Variants in CNTNAP2 observed in about 807,000 individuals in gnomAD.
The protein encoded by CNTNAP2 is contactin-associated protein-like 2.
In CNTNAP2, 98 loss-of-function variants were observed where a neutral mutation model predicts 155.2. The ratio of observed to expected loss-of-function variants is 0.63; its 90% confidence interval spans 0.54 to 0.75. CNTNAP2 has a LOEUF of 0.75. Among genes scored for constraint, CNTNAP2 ranks in the 30% least tolerant of loss-of-function variants. CNTNAP2 has a pLI of 0.00. For missense variants in CNTNAP2, 1,727 were observed against 1,688.1 expected (o/e 1.02, Z -0.40); for synonymous variants, 651 against 631.2 (o/e 1.03, Z -0.47).
At chr7:147,198,341 C>G (rs376278327) in intron 8 of CNTNAP2, among the ~76,000 whole-genome samples, 1 of 143,040 alleles carries the variant, frequency 7.0e-6, no homozygotes, top group African/African-American at 2.6e-5. Context: ...CAGCAATTTT[C>G]CTGCCTCAGT....
chr7:146,438,770 T>C (rs1349554557), intron 1 of CNTNAP2, among the ~76,000 whole-genome samples: 1 of 151,554 alleles, frequency 6.6e-6, no homozygotes, highest in Non-Finnish European at 1.5e-5. Flanking sequence ...AAGATTAAGA[T>C]AGGTTTTTTA....
At chr7:148,385,560 A>G (rs1001196519) in intron 22 of CNTNAP2, among the ~76,000 whole-genome samples, 6 of 152,110 alleles carry the variant, frequency 3.9e-5, no homozygotes, top group Non-Finnish European at 5.9e-5. Flanking sequence ...CTGTGGTCTG[A>G]GTCAGGGCCA....
chr7:147,378,610 T>C (rs1023660974), intron 9 of CNTNAP2, among the ~76,000 whole-genome samples: 4 of 151,990 alleles, frequency 2.6e-5, no homozygotes, highest in South Asian at 2.1e-4. Flanking sequence ...CTGGGAAGGA[T>C]AGTGGGTAAG....
At chr7:147,459,977 C>T (rs1284926839) in intron 10 of CNTNAP2, among the ~76,000 whole-genome samples, 2 of 152,066 alleles carry the variant, frequency 1.3e-5, no homozygotes, top group Non-Finnish European at 2.9e-5. Flanking sequence ...GAACATCACA[C>T]ACCAGGGCCT....
intron 13 of CNTNAP2, among the ~76,000 whole-genome samples, chr7:147,756,207 T>A (rs1797212017): frequency 1.3e-5 from 2 of 152,218 alleles, no homozygotes; most frequent in Admixed American, 6.5e-5. Flanking sequence ...TTCTAAAATA[T>A]TGAGCTTGAT....
chr7:147,939,210 G>A (rs1800670489), intron 14 of CNTNAP2, among the ~76,000 whole-genome samples: 1 of 152,128 alleles, frequency 6.6e-6, no homozygotes, highest in South Asian at 2.1e-4. Flanking sequence ...AAATAGGGAA[G>A]AGGGAAGCTG....
intron 21 of CNTNAP2, among the ~76,000 whole-genome samples, chr7:148,339,146 T>C (rs528269647): frequency 3.7e-4 from 56 of 152,016 alleles, no homozygotes; most frequent in African/African-American, 1.3e-3. Flanking sequence ...AGACACGAAG[T>C]GTAAAAAAAC....
chr7:148,402,984 TAGTA>T (rs1799623477), intron 22 of CNTNAP2, among the ~76,000 whole-genome samples: 1 of 74,034 alleles, frequency 1.4e-5, no homozygotes, highest in Admixed American at 1.0e-4. Flanking sequence ...TTTTGAAACT[TAGTA>T]AATAAGAACC....
intron 13 of CNTNAP2, among the ~76,000 whole-genome samples, chr7:147,702,058 T>G (rs903117905): frequency 1.5e-4 from 22 of 142,752 alleles, no homozygotes; most frequent in Admixed American, 1.4e-3. Context: ...TTGGTTGGTT[T>G]TTTTTTTTTT....
At chr7:147,396,971 CA>C (rs1459235850) in intron 10 of CNTNAP2, among the ~76,000 whole-genome samples, 1 of 151,912 alleles carries the variant, frequency 6.6e-6, no homozygotes, top group Non-Finnish European at 1.5e-5. Context: ...AGAAGTCACT[CA>C]AAAATGAATT....
chr7:148,274,787 G>T (rs1312998872), intron 21 of CNTNAP2, among the ~76,000 whole-genome samples: 1 of 152,152 alleles, frequency 6.6e-6, no homozygotes, highest in African/African-American at 2.4e-5. Context: ...CTTTATAGCA[G>T]TGCAAGAACA....
At chr7:146,494,799 A>G (rs544573632) in intron 1 of CNTNAP2, among the ~76,000 whole-genome samples, 2 of 152,352 alleles carry the variant, frequency 1.3e-5, no homozygotes, top group East Asian at 3.9e-4. Context: ...TACATTTACT[A>G]CATAGGCAAT....
chr7:147,309,790 A>G (rs1795089988), intron 9 of CNTNAP2, among the ~76,000 whole-genome samples: 1 of 152,040 alleles, frequency 6.6e-6, no homozygotes, highest in South Asian at 2.1e-4. Context: ...ATATAGGTAA[A>G]TTATGTCTCA....
intron 1 of CNTNAP2, among the ~76,000 whole-genome samples, chr7:146,121,119 C>CTTTTTTTTTTTTTTTTTTTTTT (rs745449281): frequency 4.6e-5 from 3 of 65,762 alleles, no homozygotes; most frequent in Non-Finnish European, 8.6e-5. Context: ...ATAAAGCTTC[C>CTTTTTTTTTTTTTTTTTTTTTT]TTTTTTTTTT....
At chr7:147,522,619 C>T (rs1429511362) in intron 11 of CNTNAP2, among the ~76,000 whole-genome samples, 2 of 151,802 alleles carry the variant, frequency 1.3e-5, no homozygotes, top group South Asian at 2.1e-4. Context: ...GAGCAGTAAA[C>T]ATTTTTTTGC....
intron 1 of CNTNAP2, among the ~76,000 whole-genome samples, chr7:146,712,563 A>T (rs1385423881): frequency 1.3e-5 from 2 of 151,470 alleles, no homozygotes; most frequent in African/African-American, 4.8e-5. Context: ...TTACCTTTAA[A>T]AGAATATTAA....
In CNTNAP2 at chr7:147,565,352, G is replaced by A. The variant is rs77774699; in HGVS notation, c.1897+3095G>A. ...CCAGAGCAGACCAGCCATAAGGAGT[G>A]TAGGGCAGAAAAAAGTGCGCTTTTT... is the stretch of plus-strand genomic sequence containing the variant. On this transcript the variant is annotated intron_variant, in intron 12 of 23. Transcript: ENST00000361727. Among the ~76,000 whole-genome samples, 1,158 of 152,206 alleles carry A rather than the reference G, an allele frequency of 7.6e-3. 15 individuals carry two copies. Among genetic ancestry groups the A allele is most frequent in the African/African-American group, 0.027 (1,108 of 41,546 alleles).
chr7:148,121,380 G>T (rs1804591683), intron 16 of CNTNAP2, among the ~76,000 whole-genome samples: 1 of 152,176 alleles, frequency 6.6e-6, no homozygotes, highest in Admixed American at 6.5e-5. Flanking sequence ...GGATTCCTGA[G>T]ACATTGGGTA....
chr7:146,414,393 A>G (rs373538747), intron 1 of CNTNAP2, among the ~76,000 whole-genome samples: 4 of 152,092 alleles, frequency 2.6e-5, no homozygotes, highest in African/African-American at 9.7e-5. Context: ...GAAGTGCCCC[A>G]TGAGTATCCA....
Sources: allele counts gnomAD v4.1 joint callset (sites outside exome capture counted in the v4.1 genomes callset), GRCh38; gene constraint gnomAD v4.1.1; transcripts MANE v1.5; gene names NCBI Gene and HGNC (gene_info 2026-07-23, HGNC 2026-07-21).